The following FAM53B variants were observed in gnomAD, a reference collection of about 807,000 sequenced individuals.
The protein encoded by FAM53B is family with sequence similarity 53 member B.
A neutral mutation model predicts 32.7 loss-of-function variants in FAM53B; 12 were observed. The observed-to-expected ratio is 0.37, with a 90% CI of 0.24 to 0.59. The LOEUF (loss-of-function observed/expected upper bound fraction) is 0.59, where lower values mean the gene tolerates loss of function less well. Ranked by LOEUF, FAM53B falls within the 20% of genes least tolerant of loss-of-function variation. The probability of loss-of-function intolerance (pLI) is 0.72; values close to 1 mark genes in which losing one functional copy is unlikely to be tolerated. For missense variants in FAM53B, 477 were observed against 577.7 expected (o/e 0.83, Z 1.79); for synonymous variants, 234 against 228.7 (o/e 1.02, Z -0.21).
chr10:124,660,318 G>C (rs1361877067), intron 4 of FAM53B, among the ~76,000 whole-genome samples: 1 of 152,180 alleles, frequency 6.6e-6, no homozygotes, highest in African/African-American at 2.4e-5. Flanking sequence ...GGCAACACAA[G>C]ACAGCTTGGA....
chr10:124,632,431 C>T (rs1440926708), intron 4 of FAM53B, among the ~76,000 whole-genome samples: 1 of 152,174 alleles, frequency 6.6e-6, no homozygotes, highest in Non-Finnish European at 1.5e-5. Context: ...GGCGGGGGGC[C>T]GAGGCTAATG....
chr10:124,658,634 G>A (rs533483745), intron 4 of FAM53B, among the ~76,000 whole-genome samples: 3 of 152,352 alleles, frequency 2.0e-5, no homozygotes, highest in Non-Finnish European at 4.4e-5. Context: ...GAGAGAGGGA[G>A]GAAGGTGCAC....
chr10:124,653,897 A>C (rs1451103034), intron 4 of FAM53B, among the ~76,000 whole-genome samples: 1 of 152,226 alleles, frequency 6.6e-6, no homozygotes, highest in African/African-American at 2.4e-5. Flanking sequence ...TATACTGACC[A>C]GTGCTGTGCA....
At chr10:124,637,050 A>G (rs1435786672) in intron 4 of FAM53B, among the ~76,000 whole-genome samples, 3 of 152,196 alleles carry the variant, frequency 2.0e-5, no homozygotes, top group African/African-American at 7.2e-5. Flanking sequence ...AAGAGGCCTC[A>G]GCACAGAAAA....
At position 124,635,769 on chromosome 10, in the gene FAM53B, C is replaced by T. The variant is rs78465591; in HGVS notation, c.907-12165G>A. Among the ~76,000 whole-genome samples the T allele has an allele frequency of 3.5e-4, 54 of 152,220 alleles. No individual in the cohort carries two copies. In the East Asian group the frequency reaches 7.5e-3, roughly 21 times the overall value. Reference sequence around the variant, plus strand: ...CGTGAAATTCACAGCTGAAGCAGCCCGGAGGAGTCGGCAGGGGACCCCACA... The same window carrying T: ...CGTGAAATTCACAGCTGAAGCAGCCTGGAGGAGTCGGCAGGGGACCCCACA... On this transcript the variant is annotated intron_variant, in intron 4 of 4. Transcript: ENST00000337318.
rs1483963113 is a variant in FAM53B at position 124,623,027 on chromosome 10, G to A, written c.*215C>T. 11 of 572,946 alleles carry A rather than the reference G, an allele frequency of 1.9e-5. No homozygotes were observed. The highest frequency in any genetic ancestry group is 3.8e-5 in the African/African-American group (2 of 52,092). The allele number at this position is 572,946 out of a possible 1,614,324, so 35.5% of individuals were successfully genotyped here. On this transcript the variant is annotated 3_prime_UTR_variant, in exon 5 of 5. Coordinates refer to ENST00000337318, the MANE Select transcript of FAM53B (RefSeq NM_014661.4). Reference sequence around the variant, plus strand: ...TGTGGACCTGGTGGCTGCCACGCTCGGGGAGCCGGTGAGAGGCTGACACAC... The same window carrying A: ...TGTGGACCTGGTGGCTGCCACGCTCAGGGAGCCGGTGAGAGGCTGACACAC...
At chr10:124,736,980 G>A (rs1950177087) in intron 1 of FAM53B, among the ~76,000 whole-genome samples, 1 of 152,218 alleles carries the variant, frequency 6.6e-6, no homozygotes, top group African/African-American at 2.4e-5. Flanking sequence ...AAGAATACAG[G>A]GCTGAGGTCA....
chr10:124,714,714 G>A (rs893496948), intron 1 of FAM53B, among the ~76,000 whole-genome samples: 14 of 146,542 alleles, frequency 9.6e-5, no homozygotes, highest in African/African-American at 3.3e-4. Context: ...AGCCAAGATC[G>A]TGCCACTGCA....
At chr10:124,685,814 T>C (rs1232891025) in intron 3 of FAM53B, among the ~76,000 whole-genome samples, 1 of 152,196 alleles carries the variant, frequency 6.6e-6, no homozygotes, top group East Asian at 1.9e-4. Context: ...TTGGTGCTTC[T>C]TGAAGGGACC....
chr10:124,693,842 C>T (rs931128574), intron 3 of FAM53B, among the ~76,000 whole-genome samples: 2 of 152,228 alleles, frequency 1.3e-5, no homozygotes, highest in African/African-American at 4.8e-5. Flanking sequence ...CTCCACCAGA[C>T]AGAAAGCTCC....
At chr10:124,692,982 G>C (rs1949844435) in intron 3 of FAM53B, among the ~76,000 whole-genome samples, 1 of 152,112 alleles carries the variant, frequency 6.6e-6, no homozygotes, top group South Asian at 2.1e-4. Context: ...AGGGCCAACT[G>C]TCCCCAGCTC....
chr10:124,644,932 C>T (rs1032235391), intron 4 of FAM53B, among the ~76,000 whole-genome samples: 7 of 152,342 alleles, frequency 4.6e-5, no homozygotes, highest in Admixed American at 4.6e-4. Context: ...CCTCCACATC[C>T]AGAGTTCTGA....
intron 3 of FAM53B, among the ~76,000 whole-genome samples, chr10:124,688,051 G>A (rs546206280): frequency 6.6e-6 from 1 of 152,360 alleles, no homozygotes; most frequent in African/African-American, 2.4e-5. Context: ...TCACAGGACA[G>A]GATGGGGACC....
chr10:124,645,784 C>A (rs1367038738), intron 4 of FAM53B, among the ~76,000 whole-genome samples: 2 of 152,156 alleles, frequency 1.3e-5, no homozygotes, highest in African/African-American at 4.8e-5. Context: ...CTTCCCAGCT[C>A]CTAGGGACTT....
rs1262586355 is a variant in FAM53B, at chr10:124,696,210, G to C, written c.81C>G (p.His27Gln). 6 of 1,613,768 alleles carry C rather than the reference G, an allele frequency of 3.7e-6. No homozygotes were observed. The highest frequency in any genetic ancestry group is 5.1e-6 in the Non-Finnish European group (6 of 1,179,740). Reference protein sequence around the residue: ...IACGTFSRELHTPKKMSQGPT... With the variant: ...IACGTFSRELQTPKKMSQGPT... Reference sequence around the variant, plus strand: ...GTCCTTGACTCATCTTCTTTGGCGTGTGCTGAAAACAACCAGAAAAGCTAT... The same window carrying C: ...GTCCTTGACTCATCTTCTTTGGCGTCTGCTGAAAACAACCAGAAAAGCTAT... The change falls in exon 3 of 5, where the codon CAC (histidine) becomes CAG (glutamine). Residue 27 changes from histidine to glutamine, a missense_variant and splice_region_variant. Physicochemically the swap from His to Gln is conservative, Grantham distance 24. Around this residue, in one of 2 missense-constraint regions of FAM53B, gnomAD observed 312 missense variants for 420.2 expected, o/e 0.74. Coordinates refer to ENST00000337318, the MANE Select transcript of FAM53B (RefSeq NM_014661.4).
chr10:124,649,810 C>A (rs926307074), intron 4 of FAM53B, among the ~76,000 whole-genome samples: 4 of 152,100 alleles, frequency 2.6e-5, no homozygotes, highest in African/African-American at 7.3e-5. Flanking sequence ...ACATAAGTCC[C>A]CAAAAGCAAC....
chr10:124,683,753 G>T (rs970271577), intron 3 of FAM53B, among the ~76,000 whole-genome samples: 1 of 152,190 alleles, frequency 6.6e-6, no homozygotes, highest in Non-Finnish European at 1.5e-5. Flanking sequence ...TCTGGCCCTG[G>T]CCCTAAGGAG....
intron 1 of FAM53B, among the ~76,000 whole-genome samples, chr10:124,727,338 G>C (rs1049517484): frequency 7.1e-6 from 1 of 141,266 alleles, no homozygotes; most frequent in Non-Finnish European, 1.5e-5. Flanking sequence ...TGTGGGGGGG[G>C]GGGGGGTGCG....
At chr10:124,671,249 G>T in intron 4 of FAM53B, 1 of 446,090 alleles carries the variant, frequency 2.2e-6, no homozygotes, top group Non-Finnish European at 4.6e-6. Flanking sequence ...TTCCCTTTCT[G>T]CGGGACCAGC....
Sources: gnomAD v4.1 joint callset for allele counts (sites outside exome capture counted in the v4.1 genomes callset) on GRCh38, gnomAD v4.1.1 for gene constraint, gnomAD v4.1.1 regional missense constraint, MANE v1.5 for transcripts, NCBI Gene and HGNC (gene_info 2026-07-23, HGNC 2026-07-21) for gene names.